PDE11A: variants seen among roughly 807,000 people sequenced by gnomAD.
PDE11A encodes phosphodiesterase 11A, also known as dual 3',5'-cyclic-AMP and -GMP phosphodiesterase 11A.
Under a neutral mutation model 100.5 loss-of-function variants are expected in PDE11A, and 100 were observed. The ratio of observed to expected loss-of-function variants is 1.00; its 90% CI spans 0.85 to 1.18. The LOEUF is 1.18. Among genes scored for constraint, PDE11A ranks in the 50% most tolerant of loss-of-function variants. The pLI is 0.00. For missense variants in PDE11A, 1,141 were observed against 1,152.6 expected, an observed-to-expected ratio of 0.99 and a Z score of 0.15; for synonymous variants, 381 against 420.8, an observed-to-expected ratio of 0.91 and a Z score of 1.16.
intron 5 of PDE11A, among the ~76,000 whole-genome samples, chr2:177,846,888 A>G (rs1173256731): frequency 6.6e-6 from 1 of 152,176 alleles, no homozygotes; most frequent in Non-Finnish European, 1.5e-5. Context: ...CCTATCATAT[A>G]TTACATTATA....
chr2:177,843,449 G>C (rs954312019), intron 5 of PDE11A, among the ~76,000 whole-genome samples: 7 of 152,140 alleles, frequency 4.6e-5, no homozygotes, highest in African/African-American at 1.7e-4. Context: ...TTAGTCACAG[G>C]AACAGGGAGG....
At chr2:177,952,730 G>T (rs10497481) in intron 2 of PDE11A, among the ~76,000 whole-genome samples, 1 of 151,984 alleles carries the variant, frequency 6.6e-6, no homozygotes, top group Admixed American at 6.6e-5. Flanking sequence ...TTACATTCTT[G>T]CTTCTTGCAG....
Position 177,693,570 on chromosome 2 carries a change from A to G in PDE11A, c.2345+3762T>C, listed in dbSNP as rs879693629. Among the ~76,000 whole-genome samples, 11 of 152,220 alleles carry G rather than the reference A, an allele frequency of 7.2e-5. No homozygotes were observed. In the South Asian group the frequency reaches 1.2e-3, roughly 17 times the overall value. On this transcript the variant is annotated intron_variant, in intron 15 of 19. Coordinates refer to ENST00000286063, the MANE Select transcript of PDE11A (RefSeq NM_016953.4). ...TACCTGAATGCAAGCCTTTATCTCCAACTTTGCTTTGGGAGAGGACACAGG... is the reference window on the plus strand; with the variant it reads ...TACCTGAATGCAAGCCTTTATCTCCGACTTTGCTTTGGGAGAGGACACAGG...
chr2:177,887,928 A>C (rs2084467904), intron 4 of PDE11A, among the ~76,000 whole-genome samples: 1 of 152,088 alleles, frequency 6.6e-6, no homozygotes, highest in Non-Finnish European at 1.5e-5. Context: ...AACAGAGGGC[A>C]ATGGACAGAG....
Position 177,675,146 on chromosome 2 carries a change from C to T in PDE11A, c.2487+309G>A, listed in dbSNP as rs529288482. Reference sequence around the variant, plus strand: ...AGACTTTGTACTGAGATGTGATTATCTTGCCAAAAATCCTATCTTTGAAAC... The same window carrying T: ...AGACTTTGTACTGAGATGTGATTATTTTGCCAAAAATCCTATCTTTGAAAC... On this transcript the variant is annotated intron_variant, in intron 17 of 19. Coordinates refer to ENST00000286063, the MANE Select transcript of PDE11A (RefSeq NM_016953.4). 1.9e-3 allele frequency among the ~76,000 whole-genome samples: 286 copies of T among 151,714 alleles called. 1 individual carries two copies. Among genetic ancestry groups the T allele is most frequent in the African/African-American group, 6.7e-3 (279 of 41,384 alleles).
At position 177,670,619 on chromosome 2, in the gene PDE11A, T is replaced by G. The variant is rs149324826; in HGVS notation, c.2488-1052A>C. Among the ~76,000 whole-genome samples the G allele has an allele frequency of 1.9e-3, 287 of 152,322 alleles. 2 individuals are homozygous for G. Among genetic ancestry groups the G allele is most frequent in the African/African-American group, 6.0e-3 (250 of 41,576 alleles). ...AATTTTTCTCTATTCCAAGTTCTTA[T>G]GAAGATAAGGTTCTTAAATCTGGCA... On this transcript the variant is annotated intron_variant, in intron 17 of 19. Transcript: ENST00000286063.
chr2:177,922,020 T>C (rs977391156), intron 2 of PDE11A: 2 of 152,170 alleles, frequency 1.3e-5, no homozygotes, highest in African/African-American at 2.4e-5. Flanking sequence ...TTTGTTAACT[T>C]TACAAAACTT....
At chr2:178,065,974 T>C (rs980063380) in intron 1 of PDE11A, among the ~76,000 whole-genome samples, 3 of 151,664 alleles carry the variant, frequency 2.0e-5, no homozygotes, top group Non-Finnish European at 4.4e-5. Flanking sequence ...ATATAATAAA[T>C]ATATATCAGC....
At chr2:178,060,978 C>G (rs2086961887) in intron 1 of PDE11A, among the ~76,000 whole-genome samples, 1 of 115,874 alleles carries the variant, frequency 8.6e-6, no homozygotes, top group Non-Finnish European at 1.6e-5. Context: ...GAGTCTCACT[C>G]TGTCACCCAG....
At chr2:177,929,080 G>A (rs2085171030) in intron 2 of PDE11A, among the ~76,000 whole-genome samples, 1 of 152,104 alleles carries the variant, frequency 6.6e-6, no homozygotes, top group Non-Finnish European at 1.5e-5. Context: ...TGTTGCACAG[G>A]CGAAAAATCC....
chr2:177,760,160 A>C (rs1574114051), intron 10 of PDE11A, among the ~76,000 whole-genome samples: 1 of 152,202 alleles, frequency 6.6e-6, no homozygotes. Flanking sequence ...TGCCTTCTAC[A>C]TAAAATGGAG....
chr2:177,780,912 T>G (rs2082445107), intron 9 of PDE11A, among the ~76,000 whole-genome samples: 1 of 152,252 alleles, frequency 6.6e-6, no homozygotes, highest in Non-Finnish European at 1.5e-5. Context: ...GCTGTTTCAC[T>G]TTCTTATTAT....
At chr2:177,971,226 T>C (rs972884559) in intron 2 of PDE11A, among the ~76,000 whole-genome samples, 3 of 152,228 alleles carry the variant, frequency 2.0e-5, no homozygotes, top group African/African-American at 4.8e-5. Flanking sequence ...GAGCCGGCTA[T>C]TTCATAACAA....
At chr2:177,843,718 T>C (rs2083528784) in intron 5 of PDE11A, among the ~76,000 whole-genome samples, 1 of 152,208 alleles carries the variant, frequency 6.6e-6, no homozygotes, top group Non-Finnish European at 1.5e-5. Flanking sequence ...CTATGATCTC[T>C]GCTCTCAGGG....
chr2:178,021,247 C>A (rs886527147), intron 1 of PDE11A, among the ~76,000 whole-genome samples: 3 of 152,064 alleles, frequency 2.0e-5, no homozygotes, highest in African/African-American at 7.2e-5. Context: ...CAGGCATGAG[C>A]CACCGCACCC....
In PDE11A at chr2:177,766,713, T is replaced by C. The variant is rs866020765; in HGVS notation, c.1788+2610A>G. Among the ~76,000 whole-genome samples the C allele has an allele frequency of 4.6e-5, 7 of 152,346 alleles. No homozygotes were observed. The East Asian group carries it at 1.2e-3, about 25-fold the overall frequency. On this transcript the variant is annotated intron_variant, in intron 10 of 19. Coordinates refer to ENST00000286063, the MANE Select transcript of PDE11A (RefSeq NM_016953.4). ...CATTTTAATGTTATTGCTGCAGTTA[T>C]AACAGACATCAACTACCAATTAGAA...
At position 178,043,137 on chromosome 2, in the gene PDE11A, A is replaced by G. The variant is rs189737393; in HGVS notation, c.912+28389T>C. On this transcript the variant is annotated intron_variant, in intron 1 of 19. Coordinates refer to ENST00000286063, the MANE Select transcript of PDE11A (RefSeq NM_016953.4). ...TACTATTATATTATATCTGGCTGAT[A>G]TTAGGTACTGGGTGCCCATTTGTGA... Among the ~76,000 whole-genome samples, 227 of 152,284 alleles carry G rather than the reference A, an allele frequency of 1.5e-3. 2 individuals carry two copies. Among genetic ancestry groups the G allele is most frequent in the African/African-American group, 5.1e-3 (213 of 41,572 alleles).
intron 1 of PDE11A, among the ~76,000 whole-genome samples, chr2:178,018,812 C>T (rs760869183): frequency 6.6e-6 from 1 of 152,184 alleles, no homozygotes; most frequent in Admixed American, 6.5e-5. Context: ...CCTCTTTAAA[C>T]GCTGGGATCA....
At chr2:177,953,464 T>C (rs2085527633) in intron 2 of PDE11A, among the ~76,000 whole-genome samples, 1 of 152,174 alleles carries the variant, frequency 6.6e-6, no homozygotes, top group South Asian at 2.1e-4. Context: ...ATATCCTGTT[T>C]TTAAGAAAAG....
Sources: gnomAD v4.1 joint callset for allele counts (sites outside exome capture counted in the v4.1 genomes callset) on GRCh38, gnomAD v4.1.1 for gene constraint, MANE v1.5 for transcripts, NCBI Gene and HGNC (gene_info 2026-07-23, HGNC 2026-07-21) for gene names.